MARCHF8: variants seen among roughly 807,000 people sequenced by gnomAD.
MARCHF8 encodes membrane associated ring-CH-type finger 8.
In MARCHF8, 40 loss-of-function variants were observed where a neutral mutation model predicts 51.6. The observed-to-expected ratio is 0.77, with a 90% CI of 0.60 to 1.01. The LOEUF is 1.01. Ranked by LOEUF, MARCHF8 falls within the 50% of genes least tolerant of loss-of-function variation. MARCHF8 has a pLI of 0.00. For synonymous variants in MARCHF8, 263 were observed against 280.3 expected, an observed-to-expected ratio of 0.94 and a Z score of 0.62; for missense variants, 685 against 708.6, an observed-to-expected ratio of 0.97 and a Z score of 0.38.
intron 1 of MARCHF8, among the ~76,000 whole-genome samples, chr10:45,568,353 C>A (rs909141905): frequency 2.0e-5 from 3 of 152,150 alleles, no homozygotes; most frequent in African/African-American, 7.2e-5. Context: ...TATTCCAGAT[C>A]TTGGAGCAAG....
chr10:45,480,974 C>T (rs1022111368), intron 3 of MARCHF8, among the ~76,000 whole-genome samples: 1 of 152,222 alleles, frequency 6.6e-6, no homozygotes, highest in Non-Finnish European at 1.5e-5. Context: ...GTGAAAGCAG[C>T]CAGGAGGTGG....
At chr10:45,531,941 C>T (rs568894295) in intron 2 of MARCHF8, among the ~76,000 whole-genome samples, 2 of 152,154 alleles carry the variant, frequency 1.3e-5, no homozygotes, top group African/African-American at 4.8e-5. Context: ...AAACCTGATA[C>T]CACAATTGAG....
At chr10:45,566,595 AC>A (rs2133379040) in intron 1 of MARCHF8, among the ~76,000 whole-genome samples, 2 of 152,286 alleles carry the variant, frequency 1.3e-5, no homozygotes, top group South Asian at 4.2e-4. Flanking sequence ...GCTGCAAATG[AC>A]TGGATCTCAT....
At chr10:45,502,951 C>T (rs2043307935) in intron 2 of MARCHF8, among the ~76,000 whole-genome samples, 1 of 152,014 alleles carries the variant, frequency 6.6e-6, no homozygotes, top group Non-Finnish European at 1.5e-5. Flanking sequence ...AATAATAATA[C>T]ATTCTATGAG....
intron 3 of MARCHF8, among the ~76,000 whole-genome samples, chr10:45,467,114 G>C (rs1028725496): frequency 6.6e-6 from 1 of 152,144 alleles, no homozygotes; most frequent in Non-Finnish European, 1.5e-5. Context: ...TAGGAAATAG[G>C]AAACAGCGTT....
rs1044179203 is a variant in MARCHF8, at chr10:45,591,127, A to G, written c.-79+3108T>C. Reference sequence around the variant, plus strand: ...CCACCTTATAGGTGTTGAGAAACCTATAAGAACTAATGATAATCCACCACC... The same window carrying G: ...CCACCTTATAGGTGTTGAGAAACCTGTAAGAACTAATGATAATCCACCACC... On this transcript the variant is annotated intron_variant, in intron 1 of 6. Coordinates refer to the MARCHF8 transcript ENST00000319836. Among the ~76,000 whole-genome samples, 6 of 152,158 alleles carry G rather than the reference A, an allele frequency of 3.9e-5. No homozygotes were observed. In the East Asian group the frequency reaches 7.7e-4, roughly 20 times the overall value.
chr10:45,559,721 C>G (rs2044288665), intron 1 of MARCHF8, among the ~76,000 whole-genome samples: 1 of 152,032 alleles, frequency 6.6e-6, no homozygotes, highest in African/African-American at 2.4e-5. Flanking sequence ...TGGCTAGAAA[C>G]CCATAAAAAA....
chr10:45,543,086 A>T (rs1361802559), intron 1 of MARCHF8, among the ~76,000 whole-genome samples: 1 of 152,210 alleles, frequency 6.6e-6, no homozygotes, highest in African/African-American at 2.4e-5. Context: ...TGCTCTCTAT[A>T]TTAAGCCTAA....
intron 2 of MARCHF8, among the ~76,000 whole-genome samples, chr10:45,516,875 G>A (rs1008951185): frequency 2.6e-5 from 4 of 152,168 alleles, no homozygotes; most frequent in Non-Finnish European, 4.4e-5. Context: ...CCTATAAAAT[G>A]GCAACCCCAG....
chr10:45,545,882 T>C (rs2044113442), intron 1 of MARCHF8, among the ~76,000 whole-genome samples: 1 of 152,174 alleles, frequency 6.6e-6, no homozygotes, highest in Admixed American at 6.5e-5. Flanking sequence ...ACTTAACCAC[T>C]GGTTAGCAAG....
chr10:45,459,773 C>T (rs1021945958), intron 6 of MARCHF8: 3 of 985,354 alleles, frequency 3.0e-6, no homozygotes, highest in Admixed American at 6.1e-5. Context: ...AGCAACAGCT[C>T]GAAATCGACG....
chr10:45,464,882 A>G (rs1168355911), intron 3 of MARCHF8, among the ~76,000 whole-genome samples: 2 of 152,210 alleles, frequency 1.3e-5, no homozygotes, highest in African/African-American at 4.8e-5. Context: ...GGGGACACCA[A>G]TCCATAGCTC....
Position 45,458,121 on chromosome 10 carries a change from TA to T in MARCHF8, c.*117del. The T allele has an allele frequency of 9.2e-7, 1 of 1,092,888 alleles. No homozygotes were observed. The highest frequency in any genetic ancestry group is 1.3e-6 in the Non-Finnish European group (1 of 783,116). The allele number at this position is 1,092,888 out of a possible 1,614,324, so 67.7% of individuals were successfully genotyped here. On this transcript the variant is annotated 3_prime_UTR_variant, in exon 8 of 8. Coordinates refer to ENST00000453424, the MANE Select transcript of MARCHF8 (RefSeq NM_001282866.2). ...GGGTTTAGAAAAAGAGAAGCCACTA[TA>T]AATAGTCACCTGTCCAGTCTATGCT...
intron 3 of MARCHF8, among the ~76,000 whole-genome samples, chr10:45,470,547 CACACA>C (rs1174707785): frequency 2.6e-4 from 39 of 152,152 alleles, no homozygotes; most frequent in Non-Finnish European, 5.3e-4. Flanking sequence ...TCAACTGTGC[CACACA>C]ACACAACATG....
intron 1 of MARCHF8, among the ~76,000 whole-genome samples, chr10:45,572,058 T>G (rs1224370879): frequency 6.6e-6 from 1 of 152,158 alleles, no homozygotes; most frequent in East Asian, 1.9e-4. Context: ...GACACCTGCT[T>G]TGGCTGCTCA....
intron 2 of MARCHF8, among the ~76,000 whole-genome samples, chr10:45,532,798 T>C (rs922478952): frequency 6.6e-6 from 1 of 152,194 alleles, no homozygotes; most frequent in Non-Finnish European, 1.5e-5. Context: ...CACACTACGA[T>C]GAATAGGAAA....
intron 1 of MARCHF8, among the ~76,000 whole-genome samples, chr10:45,588,998 CAAAAAAAAAAA>C (rs72350925): frequency 1.1e-4 from 10 of 87,684 alleles, no homozygotes; most frequent in East Asian, 3.6e-4. Context: ...GACTACGTTT[CAAAAAAAAAAA>C]AAAAAAAAAA....
intron 2 of MARCHF8, among the ~76,000 whole-genome samples, chr10:45,528,066 C>T (rs1589152369): frequency 6.6e-6 from 1 of 152,150 alleles, no homozygotes; most frequent in South Asian, 2.1e-4. Flanking sequence ...ATGATAAAAA[C>T]CACTCAACAA....
At chr10:45,550,416 C>T (rs1360124047) in intron 1 of MARCHF8, among the ~76,000 whole-genome samples, 1 of 152,148 alleles carries the variant, frequency 6.6e-6, no homozygotes, top group Non-Finnish European at 1.5e-5. Flanking sequence ...ACAGAAAAAT[C>T]GAAGGCAATT....
Sources: gnomAD v4.1 joint callset for allele counts (sites outside exome capture counted in the v4.1 genomes callset) on GRCh38, gnomAD v4.1.1 for gene constraint, MANE v1.5 for transcripts, NCBI Gene and HGNC (gene_info 2026-07-23, HGNC 2026-07-21) for gene names.